The following SNTB1 variants were observed in gnomAD, a reference collection of about 807,000 sequenced individuals.
SNTB1 encodes the protein syntrophin beta 1, also known as beta-1-syntrophin.
A neutral mutation model predicts 48.9 loss-of-function variants in SNTB1; 36 were observed. The observed-to-expected ratio is 0.74, with a 90% confidence interval of 0.56 to 0.97. The LOEUF is 0.97. Among genes scored for constraint, SNTB1 ranks in the 50% least tolerant of loss-of-function variants. The pLI, the probability that SNTB1 is intolerant of heterozygous loss-of-function variation, is 0.00. For synonymous variants in SNTB1, 299 were observed against 294.6 expected, an observed-to-expected ratio of 1.01 and a Z score of -0.15; for missense variants, 786 against 703.4, an observed-to-expected ratio of 1.12 and a Z score of -1.33.
chr8:120,691,487 T>C (rs1380195520), intron 2 of SNTB1, among the ~76,000 whole-genome samples: 1 of 152,190 alleles, frequency 6.6e-6, no homozygotes. Flanking sequence ...GGGTTACAAA[T>C]TCAAAGATTA....
intron 1 of SNTB1, among the ~76,000 whole-genome samples, chr8:120,759,611 C>G (rs775569114): frequency 1.3e-5 from 2 of 152,190 alleles, no homozygotes; most frequent in Non-Finnish European, 2.9e-5. Flanking sequence ...CGCAATACAT[C>G]AATGTCCACC....
At position 120,645,086 on chromosome 8, in the gene SNTB1, G is replaced by A. The variant is rs1052099373; in HGVS notation, c.789-12435C>T. Among the ~76,000 whole-genome samples, 23 of 148,106 alleles carry A rather than the reference G, an allele frequency of 1.6e-4. No homozygotes were observed. In the East Asian group the frequency reaches 4.0e-3, roughly 25 times the overall value. On this transcript the variant is annotated intron_variant, in intron 2 of 6. Transcript: ENST00000517992. ...TAGCCCTTTGTCAGATGAGTAGGTT[G>A]CGAAAATTTTCTCCCATTTTGTAGG...
intron 3 of SNTB1, among the ~76,000 whole-genome samples, chr8:120,614,330 C>T (rs1378124477): frequency 6.6e-6 from 1 of 152,194 alleles, no homozygotes; most frequent in Non-Finnish European, 1.5e-5. Flanking sequence ...ACCAGTTCAA[C>T]CAATCTGTCT....
At chr8:120,554,196 A>G (rs1157909359) in intron 4 of SNTB1, among the ~76,000 whole-genome samples, 3 of 152,076 alleles carry the variant, frequency 2.0e-5, no homozygotes, top group Non-Finnish European at 4.4e-5. Flanking sequence ...CTGCATCCCA[A>G]AGATGTTCCC....
Position 120,811,652 on chromosome 8 carries a change from G to T in SNTB1, c.192C>A (p.Thr64=), listed in dbSNP as rs778806699. The change falls in exon 1 of 7, where the codon ACC becomes ACA. Residue 64 remains threonine, a synonymous_variant. Transcript: ENST00000517992. ...AAAYNGIGTA[T]NGSFCRGAGA... The stretch of plus-strand genomic sequence containing the variant: ...CGGCGCCCCTGCAGAACGAGCCATT[G>T]GTGGCGGTCCCGATGCCGTTGTACG... 2 of 1,594,160 alleles carry T rather than the reference G, an allele frequency of 1.3e-6. No individual in the cohort carries two copies. The highest frequency in any genetic ancestry group is 2.3e-5 in the East Asian group (1 of 42,590).
chr8:120,714,639 G>T (rs1818526909), intron 1 of SNTB1, among the ~76,000 whole-genome samples: 1 of 152,170 alleles, frequency 6.6e-6, no homozygotes. Flanking sequence ...AATCTCAGAA[G>T]CCTGTTAATT....
chr8:120,651,868 G>A (rs922021056), intron 2 of SNTB1, among the ~76,000 whole-genome samples: 7 of 151,998 alleles, frequency 4.6e-5, no homozygotes, highest in Non-Finnish European at 8.8e-5. Context: ...AAAAAGAGCC[G>A]GACAGAACAG....
chr8:120,775,741 A>G (rs974897736), intron 1 of SNTB1, among the ~76,000 whole-genome samples: 2 of 150,510 alleles, frequency 1.3e-5, no homozygotes, highest in African/African-American at 4.9e-5. Flanking sequence ...GAAGGAAGGA[A>G]GGAAGGAAGG....
chr8:120,717,599 C>T (rs1406765815), intron 1 of SNTB1, among the ~76,000 whole-genome samples: 1 of 152,226 alleles, frequency 6.6e-6, no homozygotes, highest in Non-Finnish European at 1.5e-5. Flanking sequence ...GGGGAAGCTT[C>T]CAGCCCTTGC....
intron 4 of SNTB1, among the ~76,000 whole-genome samples, chr8:120,561,834 T>A (rs577118524): frequency 1.7e-4 from 26 of 152,336 alleles, no homozygotes; most frequent in Admixed American, 4.6e-4. Context: ...CCCTGGCTAC[T>A]ATGTTGGCCA....
intron 1 of SNTB1, among the ~76,000 whole-genome samples, chr8:120,778,059 C>T (rs905904015): frequency 6.6e-6 from 1 of 152,230 alleles, no homozygotes; most frequent in African/African-American, 2.4e-5. Flanking sequence ...ACTTCTGCCA[C>T]ATCCAAACTT....
chr8:120,604,751 A>G (rs1816484864), intron 3 of SNTB1, among the ~76,000 whole-genome samples: 1 of 152,154 alleles, frequency 6.6e-6, no homozygotes, highest in Non-Finnish European at 1.5e-5. Flanking sequence ...ATGCCTGGCC[A>G]ACTTTTGCAT....
chr8:120,652,254 A>C (rs920529808), intron 2 of SNTB1, among the ~76,000 whole-genome samples: 1 of 152,216 alleles, frequency 6.6e-6, no homozygotes, highest in Non-Finnish European at 1.5e-5. Context: ...CCTCAATCTC[A>C]TTCTAAGTGG....
At chr8:120,643,472 C>T (rs1374025664) in intron 2 of SNTB1, among the ~76,000 whole-genome samples, 1 of 152,166 alleles carries the variant, frequency 6.6e-6, no homozygotes, top group Non-Finnish European at 1.5e-5. Context: ...ATTCTTCTGC[C>T]TTTGCATTCT....
In SNTB1 at chr8:120,609,923, G is replaced by A. The variant is rs58092685; in HGVS notation, c.996+22521C>T. Among the ~76,000 whole-genome samples, 430 of 152,204 alleles carry A rather than the reference G, an allele frequency of 2.8e-3. 2 individuals are homozygous for A. Among genetic ancestry groups the A allele is most frequent in the African/African-American group, 7.0e-3 (289 of 41,526 alleles). On this transcript the variant is annotated intron_variant, in intron 3 of 6. Transcript: ENST00000517992. The stretch of plus-strand genomic sequence containing the variant: ...GACCTATTGCCTCATGAAAAGGTGC[G>A]CATGCAATTCCTAAGGGTACCACAG...
At chr8:120,553,553 T>A (rs1485050032) in intron 4 of SNTB1, among the ~76,000 whole-genome samples, 1 of 152,234 alleles carries the variant, frequency 6.6e-6, no homozygotes, top group East Asian at 1.9e-4. Context: ...TTATAAGTAC[T>A]ATGTGTAAAT....
intron 4 of SNTB1, among the ~76,000 whole-genome samples, chr8:120,559,313 G>T (rs1815615999): frequency 6.6e-6 from 1 of 152,178 alleles, no homozygotes; most frequent in South Asian, 2.1e-4. Context: ...TGGTCTGGGG[G>T]ATAGAAGTTG....
intron 5 of SNTB1, among the ~76,000 whole-genome samples, chr8:120,546,041 G>A (rs1010745638): frequency 1.3e-5 from 2 of 152,182 alleles, no homozygotes; most frequent in Non-Finnish European, 2.9e-5. Flanking sequence ...AGGCCTATCT[G>A]ACTTTAAAGC....
chr8:120,805,359 T>C (rs1820317203), intron 1 of SNTB1, among the ~76,000 whole-genome samples: 1 of 152,148 alleles, frequency 6.6e-6, no homozygotes, highest in African/African-American at 2.4e-5. Context: ...AAATGGAGAA[T>C]TATCCTGGTG....
Sources: allele counts gnomAD v4.1 joint callset (sites outside exome capture counted in the v4.1 genomes callset), GRCh38; gene constraint gnomAD v4.1.1; transcripts MANE v1.5; gene names NCBI Gene and HGNC (gene_info 2026-07-23, HGNC 2026-07-21).